Variants in TRAPPC12 observed in about 807,000 individuals in gnomAD.
The protein encoded by TRAPPC12 is TPR repeat protein 15.
In TRAPPC12, 61 loss-of-function variants were observed where a neutral mutation model predicts 69.2. The observed-to-expected ratio is 0.88, with a 90% confidence interval of 0.72 to 1.09. TRAPPC12 has a LOEUF of 1.09. TRAPPC12 is among the 50% of genes least tolerant of loss of function. The probability of loss-of-function intolerance (pLI) is 0.00; values close to 1 mark genes in which losing one functional copy is unlikely to be tolerated. For missense variants in TRAPPC12, 1,101 were observed against 1,016.4 expected (o/e 1.08, Z -1.13); for synonymous variants, 469 against 438.9 (o/e 1.07, Z -0.86).
At chr2:3,422,201 T>A (rs1340791354) in intron 4 of TRAPPC12, among the ~76,000 whole-genome samples, 1 of 152,202 alleles carries the variant, frequency 6.6e-6, no homozygotes, top group African/African-American at 2.4e-5. Flanking sequence ...AGAAGCACGC[T>A]CACAAGTGCC....
intron 5 of TRAPPC12, among the ~76,000 whole-genome samples, chr2:3,435,362 AT>A (rs897619846): frequency 2.0e-5 from 3 of 152,138 alleles, no homozygotes; most frequent in Non-Finnish European, 4.4e-5. Context: ...GCTCATTAAC[AT>A]TTTTTTAAAT....
chr2:3,423,638 C>T (rs997433862), intron 4 of TRAPPC12, among the ~76,000 whole-genome samples: 2 of 152,064 alleles, frequency 1.3e-5, no homozygotes, highest in African/African-American at 4.8e-5. Context: ...ACGTCATGTC[C>T]CCTAGGCTCA....
intron 7 of TRAPPC12, chr2:3,459,847 A>T (rs1228384835): frequency 3.2e-6 from 1 of 310,612 alleles, no homozygotes; most frequent in African/African-American, 2.3e-5. Context: ...GGCCTCCCAT[A>T]GGTCAACTGC....
intron 10 of TRAPPC12, 48 bp from the exon 11 acceptor site, chr2:3,478,798 C>A (rs369801325): frequency 2.6e-6 from 4 of 1,547,592 alleles, no homozygotes; most frequent in Non-Finnish European, 3.6e-6. Context: ...TGGGGGACAG[C>A]AGCTCCTGGG....
Position 3,387,841 on chromosome 2 carries a change from C to CT in TRAPPC12, c.219dup (p.Asp74Ter). On this transcript the variant is annotated frameshift_variant, in exon 2 of 12. Coordinates refer to ENST00000324266, the MANE Select transcript of TRAPPC12 (RefSeq NM_016030.6). LOFTEE classifies it high-confidence loss of function. ...CACATGATGGAGAGCGTCCTCATCT[C>CT]TGACTCCCCCAACAGCGAGGGCGAC... The CT allele has an allele frequency of 6.2e-7, 1 of 1,607,300 alleles. No individual in the cohort carries two copies. The highest frequency in any genetic ancestry group is 8.5e-7 in the Non-Finnish European group (1 of 1,174,912).
chr2:3,429,868 T>C (rs1249928528), intron 5 of TRAPPC12, among the ~76,000 whole-genome samples: 1 of 152,246 alleles, frequency 6.6e-6, no homozygotes, highest in East Asian at 1.9e-4. Flanking sequence ...TTTTCATATT[T>C]GCCTTAGACA....
intron 9 of TRAPPC12, 86 bp from the exon 10 acceptor site, chr2:3,477,609 C>A: frequency 1.4e-6 from 1 of 697,320 alleles, no homozygotes; most frequent in South Asian, 2.8e-5. Context: ...TCTTCATATT[C>A]TAACATGATA....
intron 2 of TRAPPC12, among the ~76,000 whole-genome samples, chr2:3,399,417 T>C (rs1350451798): frequency 2.0e-5 from 3 of 152,240 alleles, no homozygotes; most frequent in Admixed American, 1.3e-4. Context: ...TTATTGCTGC[T>C]AGATCAGTTA....
chr2:3,419,525 G>A (rs149201511), intron 3 of TRAPPC12, among the ~76,000 whole-genome samples: 11 of 151,922 alleles, frequency 7.2e-5, no homozygotes, highest in South Asian at 2.1e-4. Flanking sequence ...ACGTGGCACC[G>A]ATCTCATCTT....
At chr2:3,389,735 T>C (rs1558341731) in intron 2 of TRAPPC12, 1 of 471,110 alleles carries the variant, frequency 2.1e-6, no homozygotes, top group African/African-American at 2.0e-5. Context: ...TCCTGAGTTC[T>C]TGTCCTGCCT....
At chr2:3,419,114 T>C (rs985575670) in intron 3 of TRAPPC12, among the ~76,000 whole-genome samples, 1 of 152,160 alleles carries the variant, frequency 6.6e-6, no homozygotes, top group African/African-American at 2.4e-5. Flanking sequence ...CCCCCTCCCC[T>C]TCCCTGATTA....
At chr2:3,467,139 C>T (rs193096782) in intron 9 of TRAPPC12, among the ~76,000 whole-genome samples, 1 of 152,322 alleles carries the variant, frequency 6.6e-6, no homozygotes, top group East Asian at 1.9e-4. Flanking sequence ...TCAGCTTCCA[C>T]AGTGTGATTT....
chr2:3,415,920 G>T (rs542609990), intron 3 of TRAPPC12, among the ~76,000 whole-genome samples: 19 of 151,264 alleles, frequency 1.3e-4, no homozygotes, highest in Admixed American at 7.2e-4. Context: ...GTTTCACCGT[G>T]TTAGCCAGGA....
chr2:3,402,118 A>C (rs746444950), intron 3 of TRAPPC12, among the ~76,000 whole-genome samples: 1 of 152,234 alleles, frequency 6.6e-6, no homozygotes, highest in Non-Finnish European at 1.5e-5. Flanking sequence ...GAAATGATCA[A>C]ATTACTCAAA....
At chr2:3,440,737 A>T (rs1664154786) in intron 5 of TRAPPC12, among the ~76,000 whole-genome samples, 1 of 152,156 alleles carries the variant, frequency 6.6e-6, no homozygotes, top group South Asian at 2.1e-4. Context: ...TGCTTTATTC[A>T]TGATCTTAGG....
intron 3 of TRAPPC12, among the ~76,000 whole-genome samples, chr2:3,413,097 A>T (rs1206775543): frequency 6.6e-6 from 1 of 152,238 alleles, no homozygotes; most frequent in Non-Finnish European, 1.5e-5. Context: ...GGTAGAACTT[A>T]AAAACTATTA....
intron 3 of TRAPPC12, among the ~76,000 whole-genome samples, chr2:3,406,433 T>C (rs1661735447): frequency 6.6e-6 from 1 of 152,206 alleles, no homozygotes; most frequent in African/African-American, 2.4e-5. Context: ...TTGCTTACCT[T>C]CACACATCAC....
chr2:3,382,035 A>G (rs1251767565), intron 1 of TRAPPC12, among the ~76,000 whole-genome samples: 1 of 152,026 alleles, frequency 6.6e-6, no homozygotes, highest in East Asian at 1.9e-4. Flanking sequence ...GGAAGAGTTC[A>G]CTGATTTTCA....
rs751036363 is a variant in TRAPPC12 at position 3,479,292 on chromosome 2, T to C, written c.2039T>C (p.Met680Thr). 1 of 1,614,162 alleles carries C rather than the reference T, an allele frequency of 6.2e-7. No homozygotes were observed. Among genetic ancestry groups the C allele is most frequent in the Admixed American group, 1.7e-5 (1 of 60,030 alleles). ...GACTCCCTGCGGCAGCTGGAGGCCA[T>C]GGTCCAGCAGGACCCCAGGCACTAC... The part of the protein sequence containing the change: ...LKDSLRQLEA[M>T]VQQDPRHYLH... Residue 680 changes from methionine (M) to threonine (T), a missense_variant, in exon 12 of 12, where the codon ATG becomes ACG. Physicochemically the swap from Met to Thr is moderately conservative, Grantham distance 81 (BLOSUM62 -1). Transcript: ENST00000324266.
Sources: allele counts gnomAD v4.1 joint callset (sites outside exome capture counted in the v4.1 genomes callset), GRCh38; gene constraint gnomAD v4.1.1; transcripts MANE v1.5; gene names NCBI Gene and HGNC (gene_info 2026-07-23, HGNC 2026-07-21).